SETBP1: variants seen among roughly 807,000 people sequenced by gnomAD.
SETBP1 encodes SET binding protein 1.
A neutral mutation model predicts 101.0 loss-of-function variants in SETBP1; 9 were observed. That is an observed-to-expected ratio of 0.09 (90% confidence interval 0.05 to 0.16). The LOEUF (loss-of-function observed/expected upper bound fraction) is 0.16. SETBP1 is among the 10% of genes least tolerant of loss of function. The pLI, the probability that SETBP1 is intolerant of heterozygous loss-of-function variation, is 1.00. For missense variants in SETBP1, 1,858 were observed against 2,033.8 expected (o/e 0.91, Z 1.66); for synonymous variants, 818 against 788.5 (o/e 1.04, Z -0.63).
intron 2 of SETBP1, among the ~76,000 whole-genome samples, chr18:44,757,409 T>C (rs2070522636): frequency 6.6e-6 from 1 of 152,220 alleles, no homozygotes; most frequent in South Asian, 2.1e-4. Context: ...TCACTGCTAA[T>C]GCTCGCTGAC....
At chr18:44,767,934 TG>T (rs1316180429) in intron 2 of SETBP1, among the ~76,000 whole-genome samples, 1 of 152,236 alleles carries the variant, frequency 6.6e-6, no homozygotes, top group Non-Finnish European at 1.5e-5. Flanking sequence ...TGAGAACTAT[TG>T]GTAGGATGAA....
intron 5 of SETBP1, among the ~76,000 whole-genome samples, chr18:45,061,118 G>C (rs1302524275): frequency 6.6e-6 from 1 of 152,188 alleles, no homozygotes; most frequent in African/African-American, 2.4e-5. Flanking sequence ...CTACTGACTA[G>C]TTGCCATTGA....
At chr18:44,792,248 A>G (rs2071385845) in intron 2 of SETBP1, among the ~76,000 whole-genome samples, 1 of 152,194 alleles carries the variant, frequency 6.6e-6, no homozygotes, top group Non-Finnish European at 1.5e-5. Flanking sequence ...CATGCTGGAA[A>G]ATACAGAGGC....
At chr18:45,029,619 T>A (rs1220365035) in intron 4 of SETBP1, among the ~76,000 whole-genome samples, 2 of 152,186 alleles carry the variant, frequency 1.3e-5, no homozygotes, top group African/African-American at 4.8e-5. Flanking sequence ...GCCATTTTCA[T>A]GATATTGATT....
intron 2 of SETBP1, among the ~76,000 whole-genome samples, chr18:44,840,630 C>G (rs2072596921): frequency 1.3e-5 from 2 of 152,312 alleles, no homozygotes; most frequent in South Asian, 4.2e-4. Flanking sequence ...GGACAGTGTC[C>G]AGGCATCTGG....
intron 4 of SETBP1, among the ~76,000 whole-genome samples, chr18:44,965,357 G>T (rs1411260911): frequency 6.6e-6 from 1 of 151,514 alleles, no homozygotes; most frequent in Non-Finnish European, 1.5e-5. Flanking sequence ...TCATTGGTCA[G>T]TGTTGCCATC....
At chr18:44,958,642 G>A (rs912598249) in intron 4 of SETBP1, among the ~76,000 whole-genome samples, 1 of 152,114 alleles carries the variant, frequency 6.6e-6, no homozygotes, top group African/African-American at 2.4e-5. Flanking sequence ...TCACATCAAG[G>A]AGAAGGGCAG....
At chr18:44,786,964 A>G (rs923325936) in intron 2 of SETBP1, among the ~76,000 whole-genome samples, 2 of 152,228 alleles carry the variant, frequency 1.3e-5, no homozygotes, top group Non-Finnish European at 2.9e-5. Flanking sequence ...TTTGCTGTCT[A>G]TTTGAAGAGG....
chr18:44,903,946 T>C (rs1049633609), intron 3 of SETBP1, among the ~76,000 whole-genome samples: 2 of 152,208 alleles, frequency 1.3e-5, no homozygotes, highest in African/African-American at 4.8e-5. Flanking sequence ...TCCTTATATA[T>C]AGCTTGTCTC....
intron 4 of SETBP1, among the ~76,000 whole-genome samples, chr18:44,969,347 A>G (rs1298720902): frequency 6.6e-6 from 1 of 152,184 alleles, no homozygotes; most frequent in Non-Finnish European, 1.5e-5. Flanking sequence ...CCTTGTTATT[A>G]AAAAAGAAGA....
chr18:44,702,423 T>TA (rs1446487263), intron 2 of SETBP1, among the ~76,000 whole-genome samples: 5 of 152,216 alleles, frequency 3.3e-5, no homozygotes, highest in Non-Finnish European at 7.3e-5. Context: ...GAAACACCTC[T>TA]GCTATAATCT....
At chr18:45,027,778 A>G (rs905734750) in intron 4 of SETBP1, among the ~76,000 whole-genome samples, 1 of 152,218 alleles carries the variant, frequency 6.6e-6, no homozygotes, top group African/African-American at 2.4e-5. Flanking sequence ...TGGCTTAAAC[A>G]ACATAAATGC....
intron 4 of SETBP1, chr18:44,988,931 A>T (rs977959406): frequency 2.6e-5 from 4 of 152,178 alleles, no homozygotes; most frequent in Non-Finnish European, 5.9e-5. Context: ...TTAGTTTAAA[A>T]TTCTCCTGGT....
At chr18:44,888,666 A>G (rs959252602) in intron 3 of SETBP1, among the ~76,000 whole-genome samples, 5 of 152,162 alleles carry the variant, frequency 3.3e-5, no homozygotes, top group Admixed American at 2.0e-4. Flanking sequence ...ATGAGCAGTG[A>G]CTGTCATTGA....
chr18:44,900,522 G>A (rs914247460), intron 3 of SETBP1, among the ~76,000 whole-genome samples: 1 of 152,160 alleles, frequency 6.6e-6, no homozygotes, highest in Non-Finnish European at 1.5e-5. Flanking sequence ...AATTATTTGA[G>A]TGATTTATTT....
chr18:44,814,127 C>T (rs866237634), intron 2 of SETBP1, among the ~76,000 whole-genome samples: 1 of 152,242 alleles, frequency 6.6e-6, no homozygotes, highest in African/African-American at 2.4e-5. Flanking sequence ...AGAAAATGCA[C>T]CTAGGCCAGT....
At chr18:44,846,257 T>C (rs1478121290) in intron 2 of SETBP1, among the ~76,000 whole-genome samples, 1 of 152,208 alleles carries the variant, frequency 6.6e-6, no homozygotes, top group Non-Finnish European at 1.5e-5. Context: ...AATGCTCCCA[T>C]AGTATCTTTT....
intron 5 of SETBP1, among the ~76,000 whole-genome samples, chr18:45,046,056 G>A (rs2073606082): frequency 6.6e-6 from 1 of 151,028 alleles, no homozygotes; most frequent in Non-Finnish European, 1.5e-5. Flanking sequence ...GTGCCTCCCT[G>A]GCTCCCTATA....
At chr18:44,782,166 G>A (rs1292623005) in intron 2 of SETBP1, among the ~76,000 whole-genome samples, 1 of 152,084 alleles carries the variant, frequency 6.6e-6, no homozygotes, top group Non-Finnish European at 1.5e-5. Context: ...TAGAAAGAAG[G>A]GATTCCACTA....
Sources: allele counts gnomAD v4.1 joint callset (sites outside exome capture counted in the v4.1 genomes callset), GRCh38; gene constraint gnomAD v4.1.1; transcripts MANE v1.5; gene names NCBI Gene and HGNC (gene_info 2026-07-23, HGNC 2026-07-21).